Variants in IL1RAPL2 observed in about 807,000 individuals in gnomAD.
IL1RAPL2 encodes interleukin 1 receptor accessory protein like 2, also known as X-linked interleukin-1 receptor accessory protein-like 2.
IL1RAPL2 carries 3 observed loss-of-function variants against 44.1 expected under a neutral mutation model. The ratio of observed to expected loss-of-function variants is 0.07; its 90% CI spans 0.03 to 0.18. IL1RAPL2 has a LOEUF of 0.18. IL1RAPL2 is among the 10% of genes least tolerant of loss of function. IL1RAPL2 has a pLI of 1.00. For missense variants in IL1RAPL2, 391 were observed against 496.4 expected (o/e 0.79, Z 2.02); for synonymous variants, 181 against 178.8 (o/e 1.01, Z -0.10).
At chrX:105,580,912 A>C (rs2147814285) in intron 6 of IL1RAPL2, among the ~76,000 whole-genome samples, 1 of 112,198 alleles carries the variant, frequency 8.9e-6, no homozygotes, top group Non-Finnish European at 1.9e-5. Context: ...GCTTAGGCAT[A>C]ATTCTAAGTA....
chrX:104,758,947 A>G (rs1185494935), intron 2 of IL1RAPL2, among the ~76,000 whole-genome samples: 1 of 111,954 alleles, frequency 8.9e-6, no homozygotes, highest in Non-Finnish European at 1.9e-5. Flanking sequence ...GATTTTTGAA[A>G]TCAAAGTTAG....
At chrX:105,749,189 A>G in intron 9 of IL1RAPL2, 86 bp downstream of exon 9, 1 of 959,755 alleles carries the variant, frequency 1.0e-6, no homozygotes, top group South Asian at 2.8e-5. Context: ...TAGAAAGTAT[A>G]AGCTGAAATA....
At chrX:105,034,251 G>A (rs1388698645) in intron 2 of IL1RAPL2, among the ~76,000 whole-genome samples, 3 of 112,233 alleles carry the variant, frequency 2.7e-5, no homozygotes, top group African/African-American at 9.7e-5. Context: ...ATCCAGCTTT[G>A]TTCTGTTGCT....
intron 2 of IL1RAPL2, among the ~76,000 whole-genome samples, chrX:104,921,152 AACACAG>A (rs1236418150): frequency 2.3e-4 from 26 of 111,898 alleles, no homozygotes; most frequent in African/African-American, 8.1e-4. Flanking sequence ...GCCTGGAGAT[AACACAG>A]ACACATTGCT....
At chrX:105,733,680 T>C (rs891771746) in intron 7 of IL1RAPL2, among the ~76,000 whole-genome samples, 1 of 110,901 alleles carries the variant, frequency 9.0e-6, no homozygotes, top group Non-Finnish European at 1.9e-5. Context: ...TTTCTTAGAG[T>C]TTCCATCTCT....
chrX:104,828,279 C>G (rs1921512261), intron 2 of IL1RAPL2, among the ~76,000 whole-genome samples: 1 of 112,044 alleles, frequency 8.9e-6, no homozygotes, highest in Non-Finnish European at 1.9e-5. Context: ...TACCTTTCAT[C>G]TTTGCTGTTG....
intron 2 of IL1RAPL2, among the ~76,000 whole-genome samples, chrX:104,878,583 G>A (rs1178358450): frequency 8.9e-6 from 1 of 111,910 alleles, no homozygotes; most frequent in African/African-American, 3.2e-5. Context: ...TCTAAACACA[G>A]TGTTATGTAT....
rs144837536 is a variant in IL1RAPL2 at position 104,729,686 on chromosome X, G to A, written c.82+70691G>A. The stretch of plus-strand genomic sequence containing the variant: ...TCTGCACCTTCAAGTAGACCCCAGT[G>A]TATGTTTTTCCCCACCATGTGTCCA... On this transcript the variant is annotated intron_variant, in intron 2 of 10. Coordinates refer to ENST00000372582, the MANE Select transcript of IL1RAPL2 (RefSeq NM_017416.2). 5.8e-3 allele frequency among the ~76,000 whole-genome samples: 630 copies of A among 108,574 alleles called. 3 individuals carry two copies. The highest frequency in any genetic ancestry group is 0.02 in the African/African-American group (600 of 29,785). 94.3% of individuals were successfully genotyped at this position (108,574 alleles called of 115,157 possible). A position where few individuals can be genotyped will look rare whatever the true frequency, so the allele number is the denominator to read the frequency against.
At chrX:105,099,453 CTTTTTT>C (rs36063657) in intron 2 of IL1RAPL2, among the ~76,000 whole-genome samples, 3 of 35,833 alleles carry the variant, frequency 8.4e-5, no homozygotes, top group Non-Finnish European at 1.6e-4. Flanking sequence ...GTGCCACATA[CTTTTTT>C]TTTTTTTTTT....
At chrX:105,575,444 T>C (rs776292130) in intron 6 of IL1RAPL2, among the ~76,000 whole-genome samples, 1 of 112,024 alleles carries the variant, frequency 8.9e-6, no homozygotes, top group African/African-American at 3.2e-5. Flanking sequence ...TGTTTCTGTA[T>C]TAATTTACTT....
chrX:105,407,154 A>C, intron 5 of IL1RAPL2: 1 of 2,503 alleles, frequency 4.0e-4, no homozygotes. Context: ...TAAGGAAATT[A>C]AAAAAAAAAA....
At chrX:105,267,278 T>C in intron 4 of IL1RAPL2, 110 bp from the exon 5 acceptor site, 1 of 687,440 alleles carries the variant, frequency 1.5e-6, no homozygotes. Flanking sequence ...GTTACATATT[T>C]TGAAAACGAA....
chrX:105,747,892 A>T (rs962321288), intron 8 of IL1RAPL2, among the ~76,000 whole-genome samples: 3 of 110,994 alleles, frequency 2.7e-5, no homozygotes, highest in Non-Finnish European at 5.7e-5. Flanking sequence ...TAAAATAGTC[A>T]CTTGGTAATT....
intron 2 of IL1RAPL2, among the ~76,000 whole-genome samples, chrX:104,721,824 T>C (rs1931683081): frequency 8.9e-6 from 1 of 111,934 alleles, no homozygotes; most frequent in African/African-American, 3.2e-5. Context: ...ACCATAATAA[T>C]GCTGCAATTG....
chrX:104,744,775 ATAAT>A (rs1569307053), intron 2 of IL1RAPL2, among the ~76,000 whole-genome samples: 1 of 111,207 alleles, frequency 9.0e-6, no homozygotes, highest in Non-Finnish European at 1.9e-5. Flanking sequence ...AGATTTTATT[ATAAT>A]TAATTTAAAA....
chrX:104,622,693 T>G (rs996096914), intron 1 of IL1RAPL2, among the ~76,000 whole-genome samples: 1 of 110,884 alleles, frequency 9.0e-6, no homozygotes, highest in African/African-American at 3.3e-5. Flanking sequence ...AGAGTGAGTC[T>G]CATTGGCTTA....
Position 104,762,121 on chromosome X carries a change from C to A in IL1RAPL2, c.82+103126C>A, listed in dbSNP as rs1465583399. Among the ~76,000 whole-genome samples the A allele has an allele frequency of 2.8e-5, 3 of 108,982 alleles. No individual in the cohort carries two copies. The East Asian group carries it at 8.7e-4, about 32-fold the overall frequency. The allele number at this position is 108,982 out of a possible 115,157, so 94.6% of individuals were successfully genotyped here. A position where few individuals can be genotyped will look rare whatever the true frequency, so the allele number is the denominator to read the frequency against. On this transcript the variant is annotated intron_variant, in intron 2 of 10. Transcript: ENST00000372582. Reference sequence around the variant, plus strand: ...CAAGCAATTGTCCTGCCTGAGCCTCCCAAGTAGCTGGGATTACAGGTGCCC... The same window carrying A: ...CAAGCAATTGTCCTGCCTGAGCCTCACAAGTAGCTGGGATTACAGGTGCCC...
intron 2 of IL1RAPL2, among the ~76,000 whole-genome samples, chrX:104,993,169 T>C (rs768424728): frequency 2.3e-4 from 26 of 111,782 alleles, no homozygotes; most frequent in Non-Finnish European, 4.1e-4. Context: ...GTAAAACATA[T>C]ATAAATTAGT....
At chrX:104,852,190 T>C (rs1922244056) in intron 2 of IL1RAPL2, among the ~76,000 whole-genome samples, 1 of 112,232 alleles carries the variant, frequency 8.9e-6, no homozygotes, top group Non-Finnish European at 1.9e-5. Context: ...ATAGGCATTG[T>C]AATGGGAATA....
Sources: allele counts gnomAD v4.1 joint callset (sites outside exome capture counted in the v4.1 genomes callset), GRCh38; gene constraint gnomAD v4.1.1; transcripts MANE v1.5; gene names NCBI Gene and HGNC (gene_info 2026-07-23, HGNC 2026-07-21).